The following PARP1 variants were observed in gnomAD, a reference collection of about 807,000 sequenced individuals.
PARP1 encodes poly(ADP-ribose) polymerase 1, also known as poly [ADP-ribose] polymerase 1.
A neutral mutation model predicts 118.7 loss-of-function variants in PARP1; 44 were observed. The ratio of observed to expected loss-of-function variants is 0.37; its 90% confidence interval spans 0.29 to 0.48. The LOEUF (loss-of-function observed/expected upper bound fraction) is 0.48. PARP1 is among the 20% of genes least tolerant of loss of function. PARP1 has a pLI of 0.99. For missense variants in PARP1, 1,100 were observed against 1,272.4 expected, an observed-to-expected ratio of 0.86 and a Z score of 2.06; for synonymous variants, 492 against 483.2, an observed-to-expected ratio of 1.02 and a Z score of -0.24.
intron 7 of PARP1, among the ~76,000 whole-genome samples, chr1:226,383,522 C>T (rs1207387242): frequency 6.6e-6 from 1 of 152,236 alleles, no homozygotes. Flanking sequence ...ACCTCCCTGG[C>T]CTCATTCCTG....
At chr1:226,403,474 A>G (rs956712603) in intron 1 of PARP1, among the ~76,000 whole-genome samples, 1 of 152,246 alleles carries the variant, frequency 6.6e-6, no homozygotes, top group African/African-American at 2.4e-5. Flanking sequence ...CACTGCACCC[A>G]GTCCTGGCTT....
At chr1:226,395,440 TA>T (rs1203603349) in intron 2 of PARP1, among the ~76,000 whole-genome samples, 3 of 152,170 alleles carry the variant, frequency 2.0e-5, no homozygotes, top group African/African-American at 4.8e-5. Context: ...CTCACGCCTG[TA>T]ATCCCAGCCT....
Position 226,382,974 on chromosome 1 carries a change from G to T in PARP1, c.1159+62C>A, listed in dbSNP as rs991977966. The T allele has an allele frequency of 4.1e-5, 63 of 1,552,792 alleles. No homozygotes were observed. The African/African-American group carries it at 7.6e-4, about 19-fold the overall frequency. ...TTTCTTCACCAGCTCCACACCACCA[G>T]CAAGTAGTGGGCAAACAATTCCTGC... On this transcript the variant is annotated intron_variant, in intron 8 of 22. Coordinates refer to ENST00000366794, the MANE Select transcript of PARP1 (RefSeq NM_001618.4).
chr1:226,391,243 A>G (rs999604932), intron 3 of PARP1, among the ~76,000 whole-genome samples: 11 of 151,896 alleles, frequency 7.2e-5, no homozygotes, highest in Middle Eastern at 3.2e-3. Context: ...CCAGCCCCCA[A>G]TGCAGCACTT....
intron 2 of PARP1, among the ~76,000 whole-genome samples, chr1:226,395,006 A>C (rs1452866055): frequency 6.6e-6 from 1 of 152,214 alleles, no homozygotes; most frequent in Non-Finnish European, 1.5e-5. Context: ...TTAACATGAG[A>C]AGAGTAAATA....
intron 2 of PARP1, among the ~76,000 whole-genome samples, chr1:226,401,335 G>A (rs1401014396): frequency 6.6e-6 from 1 of 152,236 alleles, no homozygotes; most frequent in Non-Finnish European, 1.5e-5. Flanking sequence ...GACTGCTCCT[G>A]CAGAGCAGGG....
intron 14 of PARP1, chr1:226,370,804 G>A (rs1664368708): frequency 6.5e-6 from 3 of 463,094 alleles, no homozygotes; most frequent in East Asian, 4.2e-5. Flanking sequence ...ACGTCTGGAC[G>A]AAGATATAGC....
At chr1:226,365,780 A>AGAAC (rs1664249923) in intron 18 of PARP1, among the ~76,000 whole-genome samples, 174 bp downstream of exon 18, 1 of 44,394 alleles carries the variant, frequency 2.3e-5, no homozygotes, top group Non-Finnish European at 5.1e-5. Context: ...AAAAAAAACA[A>AGAAC]AAAACAAACA....
intron 17 of PARP1, 112 bp downstream of exon 17, chr1:226,367,368 G>T (rs1480583887): frequency 3.1e-6 from 4 of 1,300,614 alleles, no homozygotes; most frequent in Non-Finnish European, 4.4e-6. Context: ...TTGGGCGCCA[G>T]CCACCTGTGT....
At chr1:226,381,249 G>C (rs1387255523) in intron 8 of PARP1, 41 bp from the exon 9 acceptor site, 1 of 1,613,548 alleles carries the variant, frequency 6.2e-7, no homozygotes, top group African/African-American at 1.3e-5. Flanking sequence ...GGCCAGCTCT[G>C]GTGCTGCTCC....
intron 2 of PARP1, among the ~76,000 whole-genome samples, chr1:226,395,070 A>T (rs1664889487): frequency 6.6e-6 from 1 of 152,160 alleles, no homozygotes; most frequent in African/African-American, 2.4e-5. Flanking sequence ...GGGAAATGAA[A>T]ATCAAAAACC....
rs374634253 is a variant in PARP1, at chr1:226,379,291, G to A, written c.1613-17C>T. 4.5e-5 allele frequency: 72 copies of A among 1,614,084 alleles called. No homozygotes were observed. Among genetic ancestry groups the A allele is most frequent in the Non-Finnish European group, 5.4e-5 (64 of 1,180,020 alleles). On this transcript the variant is annotated splice_polypyrimidine_tract_variant and intron_variant, in intron 11 of 22. Coordinates refer to ENST00000366794, the MANE Select transcript of PARP1 (RefSeq NM_001618.4). ...GTTCCAGTCCTGTCCCAGAGGAAAA[G>A]CACCTACAGTTTTCTCTCCCCTTGA... is the stretch of plus-strand genomic sequence containing the variant.
At chr1:226,373,379 G>T (rs1287040012) in intron 14 of PARP1, among the ~76,000 whole-genome samples, 2 of 152,228 alleles carry the variant, frequency 1.3e-5, no homozygotes, top group African/African-American at 4.8e-5. Flanking sequence ...GAAGCTTCTG[G>T]GTTCAGCAGC....
At chr1:226,394,081 C>T (rs1224977381) in intron 2 of PARP1, among the ~76,000 whole-genome samples, 2 of 152,162 alleles carry the variant, frequency 1.3e-5, no homozygotes, top group Non-Finnish European at 2.9e-5. Context: ...GGTAATCCCA[C>T]CTCACACCTG....
chr1:226,399,594 A>G (rs1026819620), intron 2 of PARP1, among the ~76,000 whole-genome samples: 4 of 152,230 alleles, frequency 2.6e-5, no homozygotes, highest in African/African-American at 9.7e-5. Context: ...ATAAAGGTAC[A>G]TGCATGTCAA....
intron 4 of PARP1, 128 bp from the exon 5 acceptor site, chr1:226,388,883 T>A: frequency 1.3e-6 from 1 of 779,204 alleles, no homozygotes. Flanking sequence ...CACTTGTCAC[T>A]CCCTAACCCC....
intron 7 of PARP1, 148 bp from the exon 8 acceptor site, chr1:226,383,331 C>T (rs1576397324): frequency 4.4e-6 from 3 of 685,994 alleles, no homozygotes; most frequent in Middle Eastern, 4.1e-4. Context: ...AAATGTGAGG[C>T]TTTAAGGATG....
At chr1:226,386,183 A>C (rs1243118696) in intron 6 of PARP1, 143 bp downstream of exon 6, 1 of 701,406 alleles carries the variant, frequency 1.4e-6, no homozygotes, top group Non-Finnish European at 2.6e-6. Context: ...ATGACCGTGC[A>C]ACACAACCAC....
intron 2 of PARP1, chr1:226,392,953 A>G: frequency 6.4e-7 from 1 of 1,572,898 alleles, no homozygotes; most frequent in Non-Finnish European, 8.5e-7. Flanking sequence ...TCTTCCCATC[A>G]CTTCTATTCC....
Sources: gnomAD v4.1 joint callset for allele counts (sites outside exome capture counted in the v4.1 genomes callset) on GRCh38, gnomAD v4.1.1 for gene constraint, MANE v1.5 for transcripts, NCBI Gene and HGNC (gene_info 2026-07-23, HGNC 2026-07-21) for gene names.